Variants in PGBD5 observed in about 807,000 individuals in gnomAD.
PGBD5 encodes piggyBac transposable element derived 5.
A neutral mutation model predicts 47.9 loss-of-function variants in PGBD5; 14 were observed. The ratio of observed to expected loss-of-function variants is 0.29; its 90% CI spans 0.19 to 0.46. The LOEUF (loss-of-function observed/expected upper bound fraction) is 0.46, where lower values mean the gene tolerates loss of function less well. Ranked by LOEUF, PGBD5 falls within the 20% of genes least tolerant of loss-of-function variation. The probability of loss-of-function intolerance (pLI) is 1.00; values close to 1 mark genes in which losing one functional copy is unlikely to be tolerated. For missense variants in PGBD5, 635 were observed against 716.0 expected (o/e 0.89, Z 1.29); for synonymous variants, 316 against 306.3 (o/e 1.03, Z -0.33).
chr1:230,337,418 C>G (rs1667344112), intron 3 of PGBD5, 130 bp from the exon 4 acceptor site: 3 of 947,366 alleles, frequency 3.2e-6, no homozygotes, highest in South Asian at 1.8e-5. Flanking sequence ...CCCCCATCAT[C>G]TTTTCAGCTC....
In PGBD5 at chr1:230,315,975, T is replaced by C. The variant is rs533173126; in HGVS notation, c.*7450A>G. 3,654 of 137,874 alleles carry C rather than the reference T, an allele frequency of 0.027. 519 individuals carry two copies. Among genetic ancestry groups the C allele is most frequent in the African/African-American group, 0.063 (2,179 of 34,652 alleles). 8.5% of individuals were successfully genotyped at this position (137,874 alleles called of 1,614,324 possible). On this transcript the variant is annotated 3_prime_UTR_variant, in exon 7 of 7. Coordinates refer to ENST00000391860, the MANE Select transcript of PGBD5 (RefSeq NM_001258311.2). Reference sequence around the variant, plus strand: ...ATACATAAGTATATGTGTACACATATATGTATGTGTATACATACATAAGTA... The same window carrying C: ...ATACATAAGTATATGTGTACACATACATGTATGTGTATACATACATAAGTA...
rs1558186448 is a variant in PGBD5, at chr1:230,315,892, T to TGTATATGTGTA, written c.*7532_*7533insTACACATATAC. 1.0e-4 allele frequency: 15 copies of TGTATATGTGTA among 147,864 alleles called. 4 individuals are homozygous for TGTATATGTGTA. Among genetic ancestry groups the TGTATATGTGTA allele is most frequent in the African/African-American group, 3.7e-4 (15 of 40,218 alleles). 9.2% of individuals were successfully genotyped at this position (147,864 alleles called of 1,614,324 possible). A position where few individuals can be genotyped will look rare whatever the true frequency, so the allele number is the denominator to read the frequency against. ...TATACATATATGGATACATACATAT[T>TGTATATGTGTA]TATGTGTACACATATATGTATATGT... On this transcript the variant is annotated 3_prime_UTR_variant, in exon 7 of 7. Transcript: ENST00000391860.
chr1:230,423,305 C>T (rs182455840), intron 1 of PGBD5, among the ~76,000 whole-genome samples: 2 of 152,264 alleles, frequency 1.3e-5, no homozygotes, highest in African/African-American at 2.4e-5. Context: ...CCTCCCTACC[C>T]CACTCTACCC....
At chr1:230,383,367 A>AT (rs113475166) in intron 1 of PGBD5, among the ~76,000 whole-genome samples, 7,126 of 148,804 alleles carry the variant, frequency 0.048, 185 homozygotes, top group South Asian at 0.073. Flanking sequence ...CATGCCCAGC[A>AT]TTTTTTTTTT....
intron 5 of PGBD5, among the ~76,000 whole-genome samples, chr1:230,326,038 C>T (rs867852608): frequency 1.3e-5 from 2 of 152,212 alleles, no homozygotes; most frequent in Middle Eastern, 3.2e-3. Context: ...ATGCTAATTA[C>T]CCTGATCTGA....
intron 1 of PGBD5, among the ~76,000 whole-genome samples, chr1:230,359,210 C>T (rs745348680): frequency 9.2e-5 from 14 of 152,138 alleles, no homozygotes; most frequent in Non-Finnish European, 1.3e-4. Context: ...TACAGATGCC[C>T]GCCACCACGC....
intron 1 of PGBD5, among the ~76,000 whole-genome samples, chr1:230,408,426 T>G (rs1411299301): frequency 6.6e-6 from 1 of 152,172 alleles, no homozygotes; most frequent in Non-Finnish European, 1.5e-5. Context: ...TAAGAATTCC[T>G]GATATAGAAG....
chr1:230,357,106 C>CG lies in PGBD5; in HGVS notation c.546dup (p.Glu183ArgfsTer75). On this transcript the variant is annotated frameshift_variant, in exon 2 of 7. Transcript: ENST00000391860. LOFTEE classifies it high-confidence loss of function. The surrounding 1 kb of genome is among the most constrained non-coding windows in gnomAD (Gnocchi z 5.7). ...CCGCTCCAGATGCTGAGGACGGACT[C>CG]GCAGTGGGAGATGCTGGTGGAGATC... 1 of 1,614,160 alleles carries CG rather than the reference C, an allele frequency of 6.2e-7. No homozygotes were observed. The highest frequency in any genetic ancestry group is 1.3e-5 in the African/African-American group (1 of 75,020).
Position 230,319,710 on chromosome 1 carries a change from TGATTTAGTCAGTACTG to T in PGBD5, c.*3699_*3714del, listed in dbSNP as rs1667006674. 6.6e-6 allele frequency: 1 copy of T among 152,236 alleles called. No homozygotes were observed. The highest frequency in any genetic ancestry group is 1.5e-5 in the Non-Finnish European group (1 of 68,056). 9.4% of individuals were successfully genotyped at this position (152,236 alleles called of 1,614,324 possible). On this transcript the variant is annotated 3_prime_UTR_variant, in exon 7 of 7. Coordinates refer to ENST00000391860, the MANE Select transcript of PGBD5 (RefSeq NM_001258311.2). The stretch of plus-strand genomic sequence containing the variant: ...TCAATTTTGGTGACCAAGCCTCATC[TGATTTAGTCAGTACTG>T]GATGTGTTTGCTCAGAATGACCCAG...
intron 1 of PGBD5, among the ~76,000 whole-genome samples, chr1:230,365,645 A>G (rs1161862366): frequency 1.3e-5 from 2 of 152,194 alleles, no homozygotes; most frequent in Non-Finnish European, 2.9e-5. Flanking sequence ...CTCTGAGGGC[A>G]CGAAGTCAAC....
At chr1:230,390,034 G>A (rs565865092) in intron 1 of PGBD5, among the ~76,000 whole-genome samples, 50 of 152,284 alleles carry the variant, frequency 3.3e-4, no homozygotes, top group Admixed American at 2.4e-3. Context: ...TGAGAAAAGA[G>A]AACACAGCTC....
At chr1:230,418,104 A>G (rs2102754405) in intron 1 of PGBD5, among the ~76,000 whole-genome samples, 1 of 152,318 alleles carries the variant, frequency 6.6e-6, no homozygotes, top group Admixed American at 6.5e-5. Flanking sequence ...CCCCACCAGC[A>G]AAGAATTATC....
chr1:230,356,919 G>A lies in PGBD5; in HGVS notation c.734C>T (p.Ser245Phe), dbSNP rs779159325. The change falls in exon 2 of 7, where the codon TCT becomes TTT. Residue 245 changes from serine (S) to phenylalanine (F), a missense_variant. Coordinates refer to ENST00000391860, the MANE Select transcript of PGBD5 (RefSeq NM_001258311.2). ...FLDSLQNSFDSAFRPSQTQVL... is the reference protein window; with the variant it reads ...FLDSLQNSFDFAFRPSQTQVL... ...CTGGGTTTGGGAAGGCCTGAAGGCA[G>A]AGTCGAAGCTGTTCTGCAGGGAGTC... 1.2e-6 allele frequency: 2 copies of A among 1,613,836 alleles called. No homozygotes were observed. Among genetic ancestry groups the A allele is most frequent in the South Asian group, 1.1e-5 (1 of 91,064 alleles).
chr1:230,342,907 C>T (rs1667428621), intron 3 of PGBD5, among the ~76,000 whole-genome samples: 1 of 152,216 alleles, frequency 6.6e-6, no homozygotes, highest in Non-Finnish European at 1.5e-5. Context: ...CGCAGCCACA[C>T]TGGTCACAAT....
At chr1:230,407,627 C>T (rs1418061379) in intron 1 of PGBD5, among the ~76,000 whole-genome samples, 2 of 152,136 alleles carry the variant, frequency 1.3e-5, no homozygotes, top group African/African-American at 4.8e-5. Flanking sequence ...CGTAAGTGTT[C>T]CTTACATGAT....
intron 1 of PGBD5, among the ~76,000 whole-genome samples, chr1:230,367,669 G>C (rs1196004477): frequency 6.6e-6 from 1 of 152,198 alleles, no homozygotes; most frequent in Non-Finnish European, 1.5e-5. Context: ...CTGCACTCCA[G>C]CCTGGGTGAC....
chr1:230,420,630 C>T (rs1327079153), intron 1 of PGBD5, among the ~76,000 whole-genome samples: 1 of 152,178 alleles, frequency 6.6e-6, no homozygotes, highest in Non-Finnish European at 1.5e-5. Flanking sequence ...AATTCTCTCT[C>T]TTTGCCTGCA....
chr1:230,327,655 C>G (rs992695484), intron 5 of PGBD5, among the ~76,000 whole-genome samples: 2 of 152,222 alleles, frequency 1.3e-5, no homozygotes, highest in African/African-American at 2.4e-5. Flanking sequence ...TGGAGCCCCT[C>G]CTCCTGAGAG....
intron 3 of PGBD5, among the ~76,000 whole-genome samples, chr1:230,341,457 T>C (rs1285468871): frequency 6.6e-6 from 1 of 152,214 alleles, no homozygotes; most frequent in African/African-American, 2.4e-5. Flanking sequence ...GCTTAAGCTA[T>C]ACAAGCTATG....
Sources: gnomAD v4.1 joint callset for allele counts (sites outside exome capture counted in the v4.1 genomes callset) on GRCh38, gnomAD v4.1.1 for gene constraint, Gnocchi (gnomAD v3.1) non-coding constraint, MANE v1.5 for transcripts, NCBI Gene and HGNC (gene_info 2026-07-23, HGNC 2026-07-21) for gene names.